Variants in AFF3 observed in about 807,000 individuals in gnomAD.
AFF3 encodes the protein ALF transcription elongation factor 3, also known as AF4/FMR2 family member 3.
A neutral mutation model predicts 129.7 loss-of-function variants in AFF3; 32 were observed. That is an observed-to-expected ratio of 0.25 (90% CI 0.19 to 0.33). The LOEUF (loss-of-function observed/expected upper bound fraction) is 0.33, where lower values mean the gene tolerates loss of function less well. Among genes scored for constraint, AFF3 ranks in the 10% least tolerant of loss-of-function variants. The pLI is 1.00. For synonymous variants in AFF3, 644 were observed against 635.4 expected (o/e 1.01, Z -0.20); for missense variants, 1,373 against 1,592.0 (o/e 0.86, Z 2.34).
chr2:99,753,770 G>A (rs187434876), intron 8 of AFF3, among the ~76,000 whole-genome samples: 12 of 152,246 alleles, frequency 7.9e-5, no homozygotes, highest in Admixed American at 2.0e-4. Flanking sequence ...AGGCACATAC[G>A]CATTCTAGGT....
intron 12 of AFF3, among the ~76,000 whole-genome samples, chr2:99,664,378 T>C (rs572490597): frequency 6.6e-6 from 1 of 152,360 alleles, no homozygotes; most frequent in East Asian, 1.9e-4. Context: ...TGGTTATTCT[T>C]GAAAGGGAAG....
intron 2 of AFF3, among the ~76,000 whole-genome samples, chr2:100,124,816 T>C (rs1692119710): frequency 6.6e-6 from 1 of 152,180 alleles, no homozygotes; most frequent in Non-Finnish European, 1.5e-5. Context: ...CCTGAATGTA[T>C]AATAAGGTCA....
At position 99,711,524 on chromosome 2, in the gene AFF3, C is replaced by T. The variant is rs964791899; in HGVS notation, c.1091+15553G>A. 3.9e-5 allele frequency among the ~76,000 whole-genome samples: 6 copies of T among 152,026 alleles called. No homozygotes were observed. In the East Asian group the frequency reaches 7.7e-4, roughly 20 times the overall value. On this transcript the variant is annotated intron_variant, in intron 11 of 24. Coordinates refer to ENST00000672756, the MANE Select transcript of AFF3 (RefSeq NM_001386135.1). Reference sequence around the variant, plus strand: ...GGCATGCGGGTGCAAAGAGAACCTGCGATCTAGGGGTGGAAGGTGGGCGGG... The same window carrying T: ...GGCATGCGGGTGCAAAGAGAACCTGTGATCTAGGGGTGGAAGGTGGGCGGG...
intron 10 of AFF3, among the ~76,000 whole-genome samples, chr2:99,740,179 A>G (rs879278207): frequency 0.017 from 2,514 of 150,892 alleles, 35 homozygotes; most frequent in South Asian, 0.047. Flanking sequence ...TCCATGGTGT[A>G]TATGTGCCAC....
In AFF3 at chr2:99,959,771, T is replaced by C. The variant is rs562057341; in HGVS notation, c.873+46861A>G. ...AAAAATCAGTCATGTGTTTCTCCCC[T>C]TTCTATCTGCTTGTAAACACAGCCC... On this transcript the variant is annotated intron_variant, in intron 7 of 24. Coordinates refer to ENST00000672756, the MANE Select transcript of AFF3 (RefSeq NM_001386135.1). Among the ~76,000 whole-genome samples the C allele has an allele frequency of 4.1e-3, 624 of 151,436 alleles. 3 individuals carry two copies. The highest frequency in any genetic ancestry group is 0.019 in the South Asian group (88 of 4,740).
intron 7 of AFF3, among the ~76,000 whole-genome samples, chr2:99,878,573 C>G (rs1692470056): frequency 6.6e-6 from 1 of 152,156 alleles, no homozygotes; most frequent in African/African-American, 2.4e-5. Flanking sequence ...GAGGCACTGA[C>G]TTGTATTTCT....
At chr2:99,800,852 T>C (rs926455453) in intron 8 of AFF3, among the ~76,000 whole-genome samples, 8 of 152,092 alleles carry the variant, frequency 5.3e-5, no homozygotes, top group Non-Finnish European at 7.4e-5. Context: ...ATTCTACATA[T>C]ATAAAACTCT....
chr2:99,841,744 G>C (rs1200627409), intron 7 of AFF3, among the ~76,000 whole-genome samples: 1 of 152,140 alleles, frequency 6.6e-6, no homozygotes, highest in African/African-American at 2.4e-5. Flanking sequence ...GAAGTGAAGG[G>C]CTCTGTCCAA....
chr2:99,872,654 C>T (rs549790922), intron 7 of AFF3, among the ~76,000 whole-genome samples: 31 of 133,954 alleles, frequency 2.3e-4, no homozygotes, highest in Admixed American at 9.8e-4. Context: ...TAAAATTTAT[C>T]GGTCTATCTT....
At chr2:99,674,688 G>A (rs1400080315) in intron 11 of AFF3, among the ~76,000 whole-genome samples, 1 of 152,164 alleles carries the variant, frequency 6.6e-6, no homozygotes, top group Admixed American at 6.5e-5. Flanking sequence ...TCAGATGGAG[G>A]CTGTGTGGCT....
At chr2:99,647,198 C>A (rs538768447) in intron 13 of AFF3, among the ~76,000 whole-genome samples, 1 of 152,164 alleles carries the variant, frequency 6.6e-6, no homozygotes, top group African/African-American at 2.4e-5. Context: ...GACACATGCA[C>A]GTGTACGTTC....
intron 8 of AFF3, among the ~76,000 whole-genome samples, chr2:99,759,677 C>A (rs6756821): frequency 0.89 from 136,241 of 152,286 alleles, 61,118 homozygotes; most frequent in African/African-American, 0.97. Context: ...ATTTCCAAAA[C>A]CTAAGAATTA....
chr2:100,001,628 G>A (rs766505088), intron 7 of AFF3, among the ~76,000 whole-genome samples: 1 of 152,150 alleles, frequency 6.6e-6, no homozygotes, highest in Non-Finnish European at 1.5e-5. Flanking sequence ...GAGGTTTACC[G>A]TGTTGGCCAG....
intron 4 of AFF3, among the ~76,000 whole-genome samples, chr2:100,099,354 C>T (rs201949497): frequency 1.3e-5 from 2 of 152,212 alleles, no homozygotes; most frequent in Admixed American, 6.5e-5. Context: ...CACTGGCCTG[C>T]GCATGCCCCC....
At chr2:100,126,339 G>T (rs755977076) in intron 2 of AFF3, among the ~76,000 whole-genome samples, 9 of 152,212 alleles carry the variant, frequency 5.9e-5, no homozygotes, top group Non-Finnish European at 1.2e-4. Context: ...GGAGCATGAG[G>T]CCGGGCCAGC....
intron 7 of AFF3, among the ~76,000 whole-genome samples, chr2:99,911,423 T>C (rs1017089014): frequency 2.0e-5 from 3 of 151,960 alleles, no homozygotes; most frequent in African/African-American, 7.2e-5. Flanking sequence ...AATGCACTTT[T>C]TATGCTGAGG....
chr2:99,885,642 A>T (rs1693057550), intron 7 of AFF3, among the ~76,000 whole-genome samples: 1 of 152,084 alleles, frequency 6.6e-6, no homozygotes, highest in Non-Finnish European at 1.5e-5. Context: ...GGTCTTTTTT[A>T]AGTCTTGACA....
chr2:99,917,894 G>GT (rs1281563698), intron 7 of AFF3, among the ~76,000 whole-genome samples: 1 of 151,952 alleles, frequency 6.6e-6, no homozygotes, highest in Admixed American at 6.6e-5. Flanking sequence ...ATTCTGTTGG[G>GT]TATTTATTAT....
At chr2:100,052,653 T>C (rs920173961) in intron 4 of AFF3, among the ~76,000 whole-genome samples, 3 of 152,178 alleles carry the variant, frequency 2.0e-5, no homozygotes, top group Admixed American at 6.5e-5. Context: ...GAAATGCTCC[T>C]GGGTTTAGAG....
Sources: allele counts gnomAD v4.1 joint callset (sites outside exome capture counted in the v4.1 genomes callset), GRCh38; gene constraint gnomAD v4.1.1; transcripts MANE v1.5; gene names NCBI Gene and HGNC (gene_info 2026-07-23, HGNC 2026-07-21).